Variants in DRC10 observed in about 807,000 individuals in gnomAD.
DRC10 encodes IQ domain-containing protein D.
At chr12:113,210,949 G>A in the DRC10 span, among the ~76,000 whole-genome samples, 1 of 152,218 alleles carries the variant, frequency 6.6e-6, no homozygotes, top group Non-Finnish European at 1.5e-5. Context: ...TAGGACTTGA[G>A]TGAAAGAGTT....
chr12:113,197,190 C>CTT, the DRC10 span, among the ~76,000 whole-genome samples: 10 of 119,942 alleles, frequency 8.3e-5, no homozygotes, highest in East Asian at 2.6e-4. Context: ...TAGCCAGTCG[C>CTT]TTTTTTTTTT....
the DRC10 span, chr12:113,197,488 C>T: frequency 8.0e-7 from 1 of 1,251,850 alleles, no homozygotes; most frequent in Non-Finnish European, 1.1e-6. Flanking sequence ...TCATCCCATT[C>T]CTAGAAGGTC....
the DRC10 span, among the ~76,000 whole-genome samples, chr12:113,199,050 G>C: frequency 6.6e-6 from 1 of 152,010 alleles, no homozygotes; most frequent in East Asian, 1.9e-4. Context: ...CAATTCTCAT[G>C]CCTCAGCCTC....
At chr12:113,220,066 C>T in the DRC10 span, among the ~76,000 whole-genome samples, 4 of 152,160 alleles carry the variant, frequency 2.6e-5, no homozygotes, top group East Asian at 1.9e-4. Context: ...CCCAGGTGAT[C>T]TGCTGGCCTC....
the DRC10 span, chr12:113,197,691 G>T: frequency 2.2e-6 from 2 of 893,568 alleles, no homozygotes; most frequent in Non-Finnish European, 3.6e-6. Flanking sequence ...GCATCACTAG[G>T]CTCTGGCAGG....
the DRC10 span, among the ~76,000 whole-genome samples, chr12:113,201,890 T>C: frequency 2.0e-5 from 3 of 152,210 alleles, no homozygotes; most frequent in Admixed American, 2.0e-4. Context: ...TGATCGGCAG[T>C]CAGAGCTCTC....
At chr12:113,201,431 C>A in the DRC10 span, among the ~76,000 whole-genome samples, 106 of 152,304 alleles carry the variant, frequency 7.0e-4, no homozygotes, top group African/African-American at 2.4e-3. Context: ...GTGAAGGGTA[C>A]AAGCTTGTTG....
the DRC10 span, among the ~76,000 whole-genome samples, chr12:113,196,687 G>A: frequency 7.2e-5 from 11 of 152,158 alleles, no homozygotes; most frequent in Admixed American, 7.2e-4. Context: ...TCACTCCAGC[G>A]CATATTACCT....
chr12:113,207,465 C>T, the DRC10 span: 192 of 1,613,234 alleles, frequency 1.2e-4, no homozygotes, highest in African/African-American at 2.8e-4. Flanking sequence ...TCATTCTCTC[C>T]GCCAATTCCT....
At chr12:113,215,641 C>T in the DRC10 span, among the ~76,000 whole-genome samples, 1 of 152,154 alleles carries the variant, frequency 6.6e-6, no homozygotes, top group Non-Finnish European at 1.5e-5. Context: ...CCTTATCAAT[C>T]AGTTCATCAG....
At chr12:113,200,700 CT>C in the DRC10 span, 3 of 1,536,218 alleles carry the variant, frequency 2.0e-6, no homozygotes, top group Non-Finnish European at 2.6e-6. Flanking sequence ...GGAAATCGGC[CT>C]TCTGCTGCTT....
chr12:113,197,120 G>A, the DRC10 span, among the ~76,000 whole-genome samples: 2 of 152,024 alleles, frequency 1.3e-5, no homozygotes, highest in South Asian at 2.1e-4. Context: ...AGGAGTATGG[G>A]ATGTGGACAC....
the DRC10 span, among the ~76,000 whole-genome samples, chr12:113,217,993 A>T: frequency 4.8e-4 from 73 of 152,356 alleles, no homozygotes; most frequent in African/African-American, 1.6e-3. Context: ...TTTGCTTGTC[A>T]CAACTGAGAG....
At chr12:113,201,532 G>C in the DRC10 span, among the ~76,000 whole-genome samples, 6 of 152,160 alleles carry the variant, frequency 3.9e-5, no homozygotes, top group Non-Finnish European at 8.8e-5. Flanking sequence ...CACTTAGTGG[G>C]GTGCATGAAG....
the DRC10 span, among the ~76,000 whole-genome samples, chr12:113,219,121 C>T: frequency 3.9e-5 from 6 of 152,076 alleles, no homozygotes; most frequent in Admixed American, 6.5e-5. Context: ...CTGCAACCTC[C>T]GCCTCCTGGG....
At chr12:113,214,473 A>C in the DRC10 span, among the ~76,000 whole-genome samples, 4 of 145,568 alleles carry the variant, frequency 2.7e-5, no homozygotes, top group Middle Eastern at 7.4e-3. Flanking sequence ...ACCACTGCAC[A>C]CTCCAGCCTG....
the DRC10 span, chr12:113,197,540 C>T: frequency 4.6e-6 from 7 of 1,528,176 alleles, no homozygotes; most frequent in Admixed American, 3.9e-5. Context: ...GCGACAAATA[C>T]CTGCTTCTCA....
chr12:113,204,774 C>A, the DRC10 span, among the ~76,000 whole-genome samples: 6 of 151,984 alleles, frequency 3.9e-5, 1 homozygote, highest in South Asian at 4.2e-4. Flanking sequence ...CTAAAAGATA[C>A]AAAAATTAGC....
the DRC10 span, among the ~76,000 whole-genome samples, chr12:113,215,582 G>T: frequency 3.3e-5 from 5 of 152,160 alleles, no homozygotes; most frequent in African/African-American, 7.2e-5. Context: ...GTTAGTGACC[G>T]AAGAAGACCA....
Sources: allele counts gnomAD v4.1 joint callset (sites outside exome capture counted in the v4.1 genomes callset), GRCh38; gene constraint gnomAD v4.1.1; transcripts MANE v1.5; gene names NCBI Gene and HGNC (gene_info 2026-07-23, HGNC 2026-07-21).